SORCS3: variants seen among roughly 807,000 people sequenced by gnomAD.
SORCS3 encodes the protein sortilin related VPS10 domain containing receptor 3, also known as VPS10 domain-containing receptor SorCS3.
SORCS3 carries 57 observed loss-of-function variants against 146.3 expected under a neutral mutation model. The observed-to-expected ratio is 0.39, with a 90% CI of 0.31 to 0.49. SORCS3 has a LOEUF of 0.49. SORCS3 is among the 20% of genes least tolerant of loss of function. The pLI is 0.92. For synonymous variants in SORCS3, 653 were observed against 618.5 expected (o/e 1.06, Z -0.83); for missense variants, 1,341 against 1,575.5 (o/e 0.85, Z 2.52).
chr10:104,969,302 ATTGT>A (rs779929139), intron 3 of SORCS3, among the ~76,000 whole-genome samples: 1 of 101,908 alleles, frequency 9.8e-6, no homozygotes, highest in Non-Finnish European at 2.0e-5. Context: ...TTCAAAAAGG[ATTGT>A]GTGTGTGTGT....
At chr10:105,191,603 A>G (rs563282948) in intron 14 of SORCS3, among the ~76,000 whole-genome samples, 4 of 152,250 alleles carry the variant, frequency 2.6e-5, no homozygotes, top group Admixed American at 6.5e-5. Flanking sequence ...GCAGTCCCCA[A>G]CCTTTTGGGA....
In SORCS3 at chr10:105,030,942, T is replaced by C. The variant is rs2055262392; in HGVS notation, c.955-12113T>C. The stretch of plus-strand genomic sequence containing the variant: ...TAGATACAGGGAGGCTGAATGAATC[T>C]ACCAGAGACTGTTACACAGAGTCCT... On this transcript the variant is annotated intron_variant, in intron 4 of 26. Transcript: ENST00000369701. Among the ~76,000 whole-genome samples the C allele has an allele frequency of 1.3e-5, 2 of 152,000 alleles. 1 individual carries two copies. The highest frequency in any genetic ancestry group is 2.9e-5 in the Non-Finnish European group (2 of 67,994).
chr10:104,960,041 G>A (rs187666358), intron 3 of SORCS3, among the ~76,000 whole-genome samples: 18 of 152,174 alleles, frequency 1.2e-4, no homozygotes, highest in Non-Finnish European at 2.5e-4. Flanking sequence ...GTTCTGCGTT[G>A]ATCACATCTA....
chr10:105,247,178 T>A (rs2056871401), intron 21 of SORCS3, 41 bp from the exon 22 acceptor site: 1 of 1,198,880 alleles, frequency 8.3e-7, no homozygotes. Context: ...CTCTCTCTTC[T>A]CACTCTCCCA....
At chr10:104,741,134 A>ATTTTTTT (rs34447542) in intron 1 of SORCS3, among the ~76,000 whole-genome samples, 1 of 104,896 alleles carries the variant, frequency 9.5e-6, no homozygotes, top group Non-Finnish European at 1.8e-5. Flanking sequence ...GATAATTTAA[A>ATTTTTTT]TTTTTTTTTT....
At chr10:105,018,741 G>T (rs1024859181) in intron 4 of SORCS3, among the ~76,000 whole-genome samples, 2 of 152,148 alleles carry the variant, frequency 1.3e-5, no homozygotes, top group Admixed American at 6.6e-5. Context: ...CATAGATATA[G>T]TTGCTCCTTC....
intron 4 of SORCS3, among the ~76,000 whole-genome samples, chr10:105,005,330 A>AC (rs964231748): frequency 6.6e-6 from 1 of 152,220 alleles, no homozygotes; most frequent in African/African-American, 2.4e-5. Context: ...ATGGAACTAC[A>AC]CAAATTTTTG....
intron 5 of SORCS3, among the ~76,000 whole-genome samples, chr10:105,072,193 A>G (rs749616833): frequency 2.6e-5 from 4 of 152,116 alleles, no homozygotes; most frequent in Non-Finnish European, 5.9e-5. Flanking sequence ...GACTTTATAT[A>G]AGCGGGTCCC....
At chr10:105,148,607 T>C (rs2056148462) in intron 9 of SORCS3, among the ~76,000 whole-genome samples, 1 of 152,044 alleles carries the variant, frequency 6.6e-6, no homozygotes, top group African/African-American at 2.4e-5. Context: ...CAGTAACCAG[T>C]GGCCACACCC....
chr10:105,232,689 C>T, intron 20 of SORCS3, among the ~76,000 whole-genome samples: 1 of 151,576 alleles, frequency 6.6e-6, no homozygotes, highest in African/African-American at 2.4e-5. Context: ...CTAAGTACTG[C>T]TTTTGCTGCA....
intron 23 of SORCS3, among the ~76,000 whole-genome samples, 165 bp from the exon 24 acceptor site, chr10:105,255,537 G>A (rs1002802288): frequency 2.6e-5 from 4 of 152,120 alleles, no homozygotes; most frequent in African/African-American, 4.8e-5. Flanking sequence ...GTTTCACAAG[G>A]CCCCAAGGGC....
Position 104,803,593 on chromosome 10 carries a change from C to T in SORCS3, c.628-39199C>T, listed in dbSNP as rs531404561. Among the ~76,000 whole-genome samples the T allele has an allele frequency of 2.6e-5, 4 of 152,304 alleles. No homozygotes were observed. The South Asian group carries it at 8.3e-4, about 32-fold the overall frequency. On this transcript the variant is annotated intron_variant, in intron 1 of 26. Transcript: ENST00000369701. Reference sequence around the variant, plus strand: ...TGAAAATCACTTCTGTAAGCACTTTCTATAATCCTGTGTGTTGCCCATCAC... The same window carrying T: ...TGAAAATCACTTCTGTAAGCACTTTTTATAATCCTGTGTGTTGCCCATCAC...
intron 3 of SORCS3, among the ~76,000 whole-genome samples, chr10:104,966,279 T>A (rs1194527902): frequency 6.6e-6 from 1 of 152,142 alleles, no homozygotes. Flanking sequence ...GCTGGTATAT[T>A]GTGAGTAAAA....
intron 6 of SORCS3, among the ~76,000 whole-genome samples, chr10:105,100,661 C>T (rs75933030): frequency 0.022 from 3,320 of 152,220 alleles, 94 homozygotes; most frequent in East Asian, 0.15. Context: ...TTAAGGTAAA[C>T]GATGATTTAA....
At chr10:104,750,761 G>A (rs893855408) in intron 1 of SORCS3, among the ~76,000 whole-genome samples, 1 of 152,208 alleles carries the variant, frequency 6.6e-6, no homozygotes, top group East Asian at 1.9e-4. Context: ...GGATGAGGTA[G>A]ATGTTTCAGA....
intron 1 of SORCS3, among the ~76,000 whole-genome samples, chr10:104,642,249 C>T (rs1439383718): frequency 6.6e-6 from 1 of 152,152 alleles, no homozygotes; most frequent in African/African-American, 2.4e-5. Flanking sequence ...TCACTTTCTC[C>T]AATACTTGGC....
At chr10:104,969,806 G>T (rs1332059289) in intron 3 of SORCS3, among the ~76,000 whole-genome samples, 1 of 152,180 alleles carries the variant, frequency 6.6e-6, no homozygotes, top group African/African-American at 2.4e-5. Flanking sequence ...TATGTGTTGT[G>T]TGTGGATTAA....
chr10:105,242,990 T>C (rs1234484397), intron 20 of SORCS3, among the ~76,000 whole-genome samples: 1 of 129,030 alleles, frequency 7.8e-6, no homozygotes, highest in African/African-American at 2.9e-5. Context: ...ATATATAATA[T>C]ATATTTATAC....
chr10:104,675,892 C>T (rs2015907497), intron 1 of SORCS3, among the ~76,000 whole-genome samples: 1 of 152,044 alleles, frequency 6.6e-6, no homozygotes, highest in Non-Finnish European at 1.5e-5. Context: ...CCAATTTCCA[C>T]AAAAAAATCC....
Sources: allele counts gnomAD v4.1 joint callset (sites outside exome capture counted in the v4.1 genomes callset), GRCh38; gene constraint gnomAD v4.1.1; transcripts MANE v1.5; gene names NCBI Gene and HGNC (gene_info 2026-07-23, HGNC 2026-07-21).